The following FERRY3 variants were observed in gnomAD, a reference collection of about 807,000 sequenced individuals.
FERRY3 encodes the protein FERRY endosomal RAB5 effector complex subunit 3.
chr12:4,490,646 G>T, the FERRY3 span: 2 of 1,361,808 alleles, frequency 1.5e-6, no homozygotes, highest in Non-Finnish European at 1.0e-6. Context: ...AAACCTACCA[G>T]TCACTTACTG....
chr12:4,518,402 AC>A, the FERRY3 span: 1 of 672,876 alleles, frequency 1.5e-6, no homozygotes, highest in Admixed American at 3.1e-5. Context: ...CATTTTAATG[AC>A]TTTTTCAGTT....
the FERRY3 span, among the ~76,000 whole-genome samples, chr12:4,503,834 A>G: frequency 6.6e-6 from 1 of 152,170 alleles, no homozygotes; most frequent in Admixed American, 6.5e-5. Flanking sequence ...AAAAAAGACT[A>G]AGGAAACACA....
the FERRY3 span, chr12:4,518,249 TG>T: frequency 6.2e-7 from 1 of 1,613,998 alleles, no homozygotes; most frequent in South Asian, 1.1e-5. Flanking sequence ...GGTCTTCAAC[TG>T]GGCTCCTGGG....
At chr12:4,523,572 A>ATGAT in the FERRY3 span, among the ~76,000 whole-genome samples, 1 of 152,228 alleles carries the variant, frequency 6.6e-6, no homozygotes, top group Admixed American at 6.5e-5. Flanking sequence ...ATGTCCATCA[A>ATGAT]TGATAGACTG....
At chr12:4,524,410 A>G in the FERRY3 span, among the ~76,000 whole-genome samples, 1 of 152,148 alleles carries the variant, frequency 6.6e-6, no homozygotes, top group Non-Finnish European at 1.5e-5. Flanking sequence ...CTTTAACAAT[A>G]ACCTATCCAT....
chr12:4,519,092 C>T, the FERRY3 span, among the ~76,000 whole-genome samples: 1 of 152,138 alleles, frequency 6.6e-6, no homozygotes, highest in Admixed American at 6.5e-5. The surrounding 1 kb of genome is among the most constrained non-coding windows in gnomAD (Gnocchi z 4.3). Context: ...ATAAATAAAG[C>T]AGATTATTAT....
At chr12:4,511,062 A>G in the FERRY3 span, among the ~76,000 whole-genome samples, 3 of 148,846 alleles carry the variant, frequency 2.0e-5, no homozygotes, top group Admixed American at 6.7e-5. Context: ...AAGCAAATGG[A>G]AAACAAAAAA....
At chr12:4,517,225 C>T in the FERRY3 span, 1,368 of 1,482,214 alleles carry the variant, frequency 9.2e-4, 17 homozygotes, top group African/African-American at 0.017. Context: ...CTTCTAAATG[C>T]GAACTATCAA....
At chr12:4,527,262 G>A in the FERRY3 span, among the ~76,000 whole-genome samples, 1 of 151,990 alleles carries the variant, frequency 6.6e-6, no homozygotes, top group Non-Finnish European at 1.5e-5. Flanking sequence ...AAGACAGACA[G>A]AAATTCAACA....
chr12:4,536,198 CTT>C, the FERRY3 span: 1 of 1,551,562 alleles, frequency 6.4e-7, no homozygotes, highest in Non-Finnish European at 8.7e-7. Flanking sequence ...TCTTCATATT[CTT>C]TGACAGGATT....
the FERRY3 span, among the ~76,000 whole-genome samples, chr12:4,537,728 G>C: frequency 1.3e-5 from 2 of 152,006 alleles, no homozygotes; most frequent in Admixed American, 1.3e-4. Flanking sequence ...GTTTTACTCA[G>C]AAAGAATTAA....
chr12:4,505,281 A>G, the FERRY3 span: 1 of 1,434,374 alleles, frequency 7.0e-7, no homozygotes, highest in Non-Finnish European at 9.7e-7. Flanking sequence ...GAAAACAGTA[A>G]TTTAAAATAA....
the FERRY3 span, chr12:4,529,739 A>G: frequency 5.3e-6 from 4 of 751,074 alleles, no homozygotes; most frequent in Non-Finnish European, 8.1e-6. Flanking sequence ...ATACAAGAAA[A>G]TTAATTTCTA....
At chr12:4,502,216 T>C in the FERRY3 span, 3 of 309,294 alleles carry the variant, frequency 9.7e-6, no homozygotes, top group East Asian at 1.1e-4. This position sits in a 1 kb window ranked among gnomAD's most constrained non-coding sequence, Gnocchi z 4.2. Context: ...AATTCTTTTA[T>C]GTACATATTA....
chr12:4,494,946 G>A, the FERRY3 span, among the ~76,000 whole-genome samples: 1 of 152,140 alleles, frequency 6.6e-6, no homozygotes, highest in Non-Finnish European at 1.5e-5. Context: ...CAATCCATGA[G>A]TACGGGATAT....
At chr12:4,490,023 T>C in the FERRY3 span, 1 of 615,666 alleles carries the variant, frequency 1.6e-6, no homozygotes, top group Non-Finnish European at 2.7e-6. Flanking sequence ...TAGGTGAAAA[T>C]TATCTTTCAT....
the FERRY3 span, chr12:4,491,314 G>A: frequency 7.9e-7 from 1 of 1,270,692 alleles, no homozygotes; most frequent in South Asian, 1.2e-5. Context: ...TATCTATAGT[G>A]TTGACTATCC....
chr12:4,495,255 T>C, the FERRY3 span, among the ~76,000 whole-genome samples: 1 of 152,324 alleles, frequency 6.6e-6, no homozygotes, highest in East Asian at 1.9e-4. Flanking sequence ...TAGGAATAAA[T>C]ACTATTGTAT....
chr12:4,491,155 T>A, the FERRY3 span: 2 of 1,610,792 alleles, frequency 1.2e-6, no homozygotes, highest in East Asian at 4.5e-5. Context: ...GTGGTGGTTG[T>A]CAGAGAGAAG....
Sources: gnomAD v4.1 joint callset for allele counts (sites outside exome capture counted in the v4.1 genomes callset) on GRCh38, gnomAD v4.1.1 for gene constraint, Gnocchi (gnomAD v3.1) non-coding constraint, MANE v1.5 for transcripts, NCBI Gene and HGNC (gene_info 2026-07-23, HGNC 2026-07-21) for gene names.